HTRA1: variants seen among roughly 807,000 people sequenced by gnomAD.
HTRA1 encodes the protein serine protease HTRA1.
A neutral mutation model predicts 49.7 loss-of-function variants in HTRA1; 26 were observed. The ratio of observed to expected loss-of-function variants is 0.52; its 90% CI spans 0.38 to 0.73. The LOEUF is 0.73. Among genes scored for constraint, HTRA1 ranks in the 30% least tolerant of loss-of-function variants. The pLI, the probability that HTRA1 is intolerant of heterozygous loss-of-function variation, is 0.00. For missense variants in HTRA1, 561 were observed against 667.2 expected (o/e 0.84, Z 1.75); for synonymous variants, 291 against 286.9 (o/e 1.01, Z -0.14).
At chr10:122,489,719 C>CG (rs2097494875) in intron 3 of HTRA1, 93 bp downstream of exon 3, 4 of 1,199,520 alleles carry the variant, frequency 3.3e-6, no homozygotes, top group Admixed American at 2.0e-5. Flanking sequence ...AGCTGATTCT[C>CG]GGGGGGCACT....
intron 7 of HTRA1, among the ~76,000 whole-genome samples, chr10:122,511,249 T>A (rs1418990466): frequency 2.0e-5 from 3 of 152,154 alleles, no homozygotes; most frequent in Non-Finnish European, 4.4e-5. Context: ...TCTCATCTGA[T>A]CCTCACAACT....
chr10:122,466,029 C>A (rs1175184970), intron 1 of HTRA1, among the ~76,000 whole-genome samples: 2 of 152,136 alleles, frequency 1.3e-5, no homozygotes, highest in East Asian at 3.9e-4. Context: ...AGAAACTCCA[C>A]CCCTGGAGGT....
chr10:122,514,554 G>A lies in HTRA1; in HGVS notation c.*195G>A. ...CAAATGTAATGTTGCAGATCCGCAGGCAGAAGCTCTGCCCTTCTGTATCCT... is the reference window on the plus strand; with the variant it reads ...CAAATGTAATGTTGCAGATCCGCAGACAGAAGCTCTGCCCTTCTGTATCCT... On this transcript the variant is annotated 3_prime_UTR_variant, in exon 9 of 9. Transcript: ENST00000368984. 2 of 624,336 alleles carry A rather than the reference G, an allele frequency of 3.2e-6. No individual in the cohort carries two copies. The highest frequency in any genetic ancestry group is 1.8e-5 in the South Asian group (1 of 54,674). The allele number at this position is 624,336 out of a possible 1,614,324, so 38.7% of individuals were successfully genotyped here. A position where few individuals can be genotyped will look rare whatever the true frequency, so the allele number is the denominator to read the frequency against.
At chr10:122,465,909 C>G (rs893737900) in intron 1 of HTRA1, among the ~76,000 whole-genome samples, 3 of 152,200 alleles carry the variant, frequency 2.0e-5, no homozygotes, top group Non-Finnish European at 4.4e-5. Flanking sequence ...ACTTCCCAAA[C>G]AGCAGAAGCC....
chr10:122,511,998 C>G lies in HTRA1; in HGVS notation c.1207C>G (p.Arg403Gly), dbSNP rs147459330. Residue 403 changes from arginine to glycine, a missense_variant, in exon 8 of 9, where the codon CGG (arginine) becomes GGG (glycine). Around this residue, in one of 3 missense-constraint regions of HTRA1, gnomAD observed 179 missense variants for 173.4 expected, o/e 1.03. Coordinates refer to ENST00000368984, the MANE Select transcript of HTRA1 (RefSeq NM_002775.5). ...SKAKELKDRH[R>G]DFPDVISGAY... is the part of the protein sequence containing the mutation. ...AGCCAAAGAGCTGAAGGACCGGCAC[C>G]GGGACTTCCCAGACGTGATCTCAGG... 1.2e-6 allele frequency: 2 copies of G among 1,613,760 alleles called. No individual in the cohort carries two copies. The highest frequency in any genetic ancestry group is 8.5e-7 in the Non-Finnish European group (1 of 1,179,938).
chr10:122,479,642 A>G (rs1039693658), intron 1 of HTRA1, among the ~76,000 whole-genome samples: 12 of 152,206 alleles, frequency 7.9e-5, no homozygotes, highest in Admixed American at 6.5e-4. Context: ...CGGAAGGAAA[A>G]GAGACATGAA....
intron 6 of HTRA1, 26 bp downstream of exon 6, chr10:122,508,796 G>A (rs1259770858): frequency 1.5e-6 from 2 of 1,366,196 alleles, no homozygotes; most frequent in Non-Finnish European, 2.1e-6. Flanking sequence ...ACAGCCCTGG[G>A]GACTCCGGAG....
intron 7 of HTRA1, 87 bp downstream of exon 7, chr10:122,510,240 C>A (rs559397553): frequency 2.0e-6 from 2 of 1,008,078 alleles, no homozygotes; most frequent in Non-Finnish European, 3.2e-6. Flanking sequence ...GAAAGAGAAA[C>A]CTTATGCTGC....
chr10:122,468,149 G>T (rs2097484530), intron 1 of HTRA1, among the ~76,000 whole-genome samples: 1 of 152,202 alleles, frequency 6.6e-6, no homozygotes, highest in Non-Finnish European at 1.5e-5. Flanking sequence ...CAAGGTACTC[G>T]TGGTAGATAG....
intron 7 of HTRA1, among the ~76,000 whole-genome samples, chr10:122,510,512 G>C (rs1373321862): frequency 6.6e-6 from 1 of 152,118 alleles, no homozygotes; most frequent in Non-Finnish European, 1.5e-5. Flanking sequence ...CACATTCCAG[G>C]AGGGCCCCAA....
chr10:122,477,944 C>T (rs2097489381), intron 1 of HTRA1, among the ~76,000 whole-genome samples: 1 of 152,104 alleles, frequency 6.6e-6, no homozygotes, highest in Non-Finnish European at 1.5e-5. Context: ...GAGGCTGGGA[C>T]AGGGGAGGCG....
At chr10:122,479,243 C>G (rs567893775) in intron 1 of HTRA1, among the ~76,000 whole-genome samples, 1 of 152,154 alleles carries the variant, frequency 6.6e-6, no homozygotes, top group Non-Finnish European at 1.5e-5. Context: ...GAAGCATGTT[C>G]CCACAATGGT....
At chr10:122,485,638 G>A (rs1243315653) in intron 1 of HTRA1, among the ~76,000 whole-genome samples, 2 of 152,196 alleles carry the variant, frequency 1.3e-5, no homozygotes, top group East Asian at 1.9e-4. Context: ...TTTCCTGGTG[G>A]GAAGACCCTG....
chr10:122,512,139 G>C (rs1423371506), intron 8 of HTRA1, 74 bp downstream of exon 8: 10 of 1,052,562 alleles, frequency 9.5e-6, no homozygotes, highest in South Asian at 8.8e-5. Flanking sequence ...AGGGAGCGCT[G>C]TTCCTTTTCT....
Position 122,497,706 on chromosome 10 carries a change from T to C in HTRA1, c.777+8080T>C, listed in dbSNP as rs117954986. 4.5e-3 allele frequency among the ~76,000 whole-genome samples: 680 copies of C among 152,372 alleles called. 2 individuals are homozygous for C. Among genetic ancestry groups the C allele is most frequent in the Middle Eastern group, 0.014 (4 of 294 alleles). On this transcript the variant is annotated intron_variant, in intron 3 of 8. Coordinates refer to ENST00000368984, the MANE Select transcript of HTRA1 (RefSeq NM_002775.5). ...ATGCCAGGCCTTGGCTAACCCCAGTTATTACCTAATTTTAATATCCCAATG... is the reference window on the plus strand; with the variant it reads ...ATGCCAGGCCTTGGCTAACCCCAGTCATTACCTAATTTTAATATCCCAATG...
At chr10:122,512,900 T>G (rs1591042819) in intron 8 of HTRA1, among the ~76,000 whole-genome samples, 2 of 152,334 alleles carry the variant, frequency 1.3e-5, no homozygotes, top group African/African-American at 4.8e-5. Context: ...ATCATTCTTA[T>G]GCCTTTGTGT....
In HTRA1 at chr10:122,461,590, C is replaced by A. The variant is rs1448342389; in HGVS notation, c.-63C>A. The A allele has an allele frequency of 1.8e-6, 2 of 1,102,632 alleles. No homozygotes were observed. The highest frequency in any genetic ancestry group is 5.7e-5 in the East Asian group (1 of 17,446). The allele number at this position is 1,102,632 out of a possible 1,614,324, so 68.3% of individuals were successfully genotyped here. ...TGCCCCCGAGGCCCTCCTGCACTCT[C>A]CCCGGCGCCGCTCTCCGGCCCTCGC... On this transcript the variant is annotated 5_prime_UTR_variant, in exon 1 of 9. Coordinates refer to ENST00000368984, the MANE Select transcript of HTRA1 (RefSeq NM_002775.5).
At chr10:122,478,273 T>C (rs1011853668) in intron 1 of HTRA1, among the ~76,000 whole-genome samples, 1 of 151,952 alleles carries the variant, frequency 6.6e-6, no homozygotes, top group Non-Finnish European at 1.5e-5. Flanking sequence ...CTGCACAGCT[T>C]GCCTTGGCTG....
chr10:122,493,439 A>T (rs951435028), intron 3 of HTRA1, among the ~76,000 whole-genome samples: 1 of 152,218 alleles, frequency 6.6e-6, no homozygotes, highest in Non-Finnish European at 1.5e-5. Flanking sequence ...GTTTAACATG[A>T]GCCACTGGCT....
Sources: allele counts gnomAD v4.1 joint callset (sites outside exome capture counted in the v4.1 genomes callset), GRCh38; gene constraint gnomAD v4.1.1; regional missense constraint gnomAD v4.1.1; transcripts MANE v1.5; gene names NCBI Gene and HGNC (gene_info 2026-07-23, HGNC 2026-07-21).